DNAJC21: variants seen among roughly 807,000 people sequenced by gnomAD.
DNAJC21 encodes dnaJ homolog subfamily C member 21.
A neutral mutation model predicts 72.4 loss-of-function variants in DNAJC21; 63 were observed. The observed-to-expected ratio is 0.87, with a 90% confidence interval of 0.71 to 1.07. DNAJC21 has a LOEUF of 1.07. DNAJC21 is among the 50% of genes least tolerant of loss of function. The pLI is 0.00. For missense variants in DNAJC21, 634 were observed against 644.8 expected (o/e 0.98, Z 0.18); for synonymous variants, 203 against 216.7 (o/e 0.94, Z 0.56).
rs1765549426 is a variant in DNAJC21 at position 34,956,804 on chromosome 5, C to T, written c.*2090C>T. The T allele has an allele frequency of 6.6e-6, 1 of 152,136 alleles. No individual in the cohort carries two copies. Among genetic ancestry groups the T allele is most frequent in the African/African-American group, 2.4e-5 (1 of 41,416 alleles). 9.4% of individuals were successfully genotyped at this position (152,136 alleles called of 1,614,324 possible). A position where few individuals can be genotyped will look rare whatever the true frequency, so the allele number is the denominator to read the frequency against. ...GTTGTGACTGGAAGCTGACCTTAGT[C>T]TTGCGTCTCATCCTTTATGATGTTG... On this transcript the variant is annotated 3_prime_UTR_variant, in exon 12 of 12. Coordinates refer to ENST00000648817, the MANE Select transcript of DNAJC21 (RefSeq NM_001012339.3).
At chr5:34,939,156 C>T (rs1764900026) in intron 6 of DNAJC21, 147 bp downstream of exon 6, 3 of 708,658 alleles carry the variant, frequency 4.2e-6, no homozygotes, top group Admixed American at 3.0e-5. Context: ...CTGAGCTAGT[C>T]TAATTCAAGT....
chr5:34,935,760 A>G lies in DNAJC21; in HGVS notation c.242A>G (p.Tyr81Cys), dbSNP rs1011340067. ...ALLKGGFDGE[Y>C]QDDSLDLLRY... Reference sequence around the variant, plus strand: ...CTTAAAGGTGGGTTTGATGGCGAATATCAAGATGACAGCTTAGATTTGCTA... The same window carrying G: ...CTTAAAGGTGGGTTTGATGGCGAATGTCAAGATGACAGCTTAGATTTGCTA... Residue 81 changes from tyrosine to cysteine, a missense_variant, in exon 3 of 12, where the codon TAT becomes TGT. Coordinates refer to ENST00000648817, the MANE Select transcript of DNAJC21 (RefSeq NM_001012339.3). 1.2e-6 allele frequency: 2 copies of G among 1,614,076 alleles called. No homozygotes were observed. Among genetic ancestry groups the G allele is most frequent in the Non-Finnish European group, 1.7e-6 (2 of 1,179,968 alleles).
intron 10 of DNAJC21, chr5:34,950,790 A>G: frequency 1.0e-6 from 1 of 987,780 alleles, no homozygotes. Flanking sequence ...TCCTGCTCAG[A>G]GGAGCCCTGG....
chr5:34,948,578 G>A (rs1195980027), intron 9 of DNAJC21, among the ~76,000 whole-genome samples: 3 of 152,146 alleles, frequency 2.0e-5, no homozygotes, highest in African/African-American at 7.2e-5. Context: ...TTAAAATAGT[G>A]AGAGCTGGCC....
chr5:34,950,270 A>G lies in DNAJC21; in HGVS notation c.1286A>G (p.Asp429Gly), dbSNP rs1250037790. 1.9e-6 allele frequency: 3 copies of G among 1,614,000 alleles called. No individual in the cohort carries two copies. Among genetic ancestry groups the G allele is most frequent in the African/African-American group, 2.7e-5 (2 of 75,058 alleles). The change falls in exon 10 of 12, where the codon GAT (aspartate) becomes GGT (glycine). Residue 429 changes from aspartate to glycine, a missense_variant. Asp to Gly is a moderately conservative substitution (Grantham distance 94). Coordinates refer to ENST00000648817, the MANE Select transcript of DNAJC21 (RefSeq NM_001012339.3). ...LNQDSAKELEDSPQENVSVTE... is the reference protein window; with the variant it reads ...LNQDSAKELEGSPQENVSVTE... ...CAAGACAGTGCCAAAGAATTGGAAG[A>G]TAGTCCCCAGGAAAATGTCAGTGTC...
At chr5:34,939,544 C>T (rs1426797536) in intron 6 of DNAJC21, among the ~76,000 whole-genome samples, 2 of 152,170 alleles carry the variant, frequency 1.3e-5, no homozygotes, top group East Asian at 1.9e-4. Flanking sequence ...GGATTACAGG[C>T]GTGAGCCACC....
chr5:34,952,783 C>G (rs914912204), intron 10 of DNAJC21: 3 of 152,082 alleles, frequency 2.0e-5, no homozygotes, highest in Admixed American at 6.6e-5. Context: ...ATGAAAAATG[C>G]ATTACAAAGT....
At chr5:34,953,063 T>C (rs1765429306) in intron 10 of DNAJC21, among the ~76,000 whole-genome samples, 1 of 151,600 alleles carries the variant, frequency 6.6e-6, no homozygotes, top group African/African-American at 2.4e-5. Flanking sequence ...AGCAGGAAAA[T>C]CGCTTGAACC....
intron 1 of DNAJC21, chr5:34,930,407 C>G (rs1261967659): frequency 1.3e-5 from 2 of 152,128 alleles, no homozygotes; most frequent in Admixed American, 1.3e-4. Context: ...GACACGGGAG[C>G]TAGTAAAATA....
At chr5:34,935,646 C>T in intron 2 of DNAJC21, 64 bp from the exon 3 acceptor site, 1 of 1,593,394 alleles carries the variant, frequency 6.3e-7, no homozygotes, top group East Asian at 2.2e-5. Flanking sequence ...TCAAAAGGAG[C>T]AAGAAATCCT....
In DNAJC21 at chr5:34,945,774, CAG is replaced by C; in HGVS notation, c.1158_1159del (p.Lys387GlufsTer11). 1 of 1,593,836 alleles carries C rather than the reference CAG, an allele frequency of 6.3e-7. No individual in the cohort carries two copies. Among genetic ancestry groups the C allele is most frequent in the Non-Finnish European group, 8.5e-7 (1 of 1,172,624 alleles). Reference sequence around the variant, plus strand: ...ATTTGCTCTTAGGCTTTCTAAAAAACAGAAGAAAAAGAAACAGAAACCAGCAC... The same window carrying C: ...ATTTGCTCTTAGGCTTTCTAAAAAACAAGAAAAAGAAACAGAAACCAGCAC... ...DAPKQKLSKK[Q>X]KKKKQKPAQN... On this transcript the variant is annotated frameshift_variant, in exon 9 of 12. Coordinates refer to ENST00000648817, the MANE Select transcript of DNAJC21 (RefSeq NM_001012339.3). LOFTEE classifies it high-confidence loss of function.
intron 10 of DNAJC21, chr5:34,951,687 C>A: frequency 1.3e-6 from 1 of 790,360 alleles, no homozygotes; most frequent in Non-Finnish European, 1.5e-6. Flanking sequence ...ACTGCCACGC[C>A]TGGCTATTTT....
chr5:34,943,474 T>A (rs907025571), intron 7 of DNAJC21, among the ~76,000 whole-genome samples: 10 of 152,238 alleles, frequency 6.6e-5, no homozygotes, highest in Admixed American at 6.5e-4. Context: ...CGTGATAATT[T>A]TCATCACCCA....
rs761103607 is a variant in DNAJC21, at chr5:34,937,576, A to G, written c.689A>G (p.Glu230Gly). 5 of 1,613,830 alleles carry G rather than the reference A, an allele frequency of 3.1e-6. No homozygotes were observed. The highest frequency in any genetic ancestry group is 4.2e-6 in the Non-Finnish European group (5 of 1,179,858). Reference sequence around the variant, plus strand: ...AAACTTGTGGAAGAACAGAATGCAGAGAAGGCGAGGAAAGCCGAAGAGATG... The same window carrying G: ...AAACTTGTGGAAGAACAGAATGCAGGGAAGGCGAGGAAAGCCGAAGAGATG... ...HRKLVEEQNA[E>G]KARKAEEMRR... The change falls in exon 5 of 12, where the codon GAG (glutamate) becomes GGG (glycine). Residue 230 changes from glutamate to glycine, a missense_variant. Glu to Gly is a moderately conservative substitution (Grantham distance 98). Transcript: ENST00000648817.
intron 6 of DNAJC21, among the ~76,000 whole-genome samples, chr5:34,940,745 G>C (rs1764959294): frequency 6.6e-6 from 1 of 152,156 alleles, no homozygotes; most frequent in African/African-American, 2.4e-5. Flanking sequence ...AATGTGTTTG[G>C]ACCAAATCTT....
intron 10 of DNAJC21, chr5:34,950,882 C>T: frequency 2.0e-6 from 2 of 985,602 alleles, no homozygotes; most frequent in Non-Finnish European, 2.4e-6. Context: ...TTCTCTCCTT[C>T]CTCCTCTTGT....
rs1160579406 is a variant in DNAJC21, at chr5:34,936,257, C to G, written c.429C>G (p.Asp143Glu). 1 of 1,609,860 alleles carries G rather than the reference C, an allele frequency of 6.2e-7. No individual in the cohort carries two copies. Among genetic ancestry groups the G allele is most frequent in the Non-Finnish European group, 8.5e-7 (1 of 1,179,046 alleles). The change falls in exon 4 of 12, where the codon GAC (aspartate) becomes GAG (glutamate). Residue 143 changes from aspartate to glutamate, a missense_variant. Transcript: ENST00000648817. ...CAACTTTTGGAGACTCCCAGAGTGACTATGATACGGTAAAATAAAAATGCA... is the reference window on the plus strand; with the variant it reads ...CAACTTTTGGAGACTCCCAGAGTGAGTATGATACGGTAAAATAAAAATGCA... ...DFPTFGDSQSDYDTVVHPFYA... is the reference protein window; with the variant it reads ...DFPTFGDSQSEYDTVVHPFYA...
chr5:34,951,229 T>G lies in DNAJC21; in HGVS notation c.1358+887T>G, dbSNP rs576184350. On this transcript the variant is annotated intron_variant, in intron 10 of 11. Transcript: ENST00000648817. ...GTAATGTTGAAGCTTTGAAGAACTT[T>G]GGAGAGTTGAAGCCTAGAAAGGGAA... 13 of 985,432 alleles carry G rather than the reference T, an allele frequency of 1.3e-5. No individual in the cohort carries two copies. The South Asian group carries it at 5.2e-4, about 39-fold the overall frequency. 61.0% of individuals were successfully genotyped at this position (985,432 alleles called of 1,614,324 possible).
Position 34,950,317 on chromosome 5 carries a change from G to A in DNAJC21, c.1333G>A (p.Asp445Asn). The A allele has an allele frequency of 3.1e-6, 5 of 1,610,496 alleles. No homozygotes were observed. The highest frequency in any genetic ancestry group is 3.4e-6 in the Non-Finnish European group (4 of 1,178,948). ...TGTCACAGAGATCATTAAACCATGT[G>A]ATGATCCAAAAAGTGAAGCTAAAAG... Reference protein sequence around the residue: ...VSVTEIIKPCDDPKSEAKSVP... With the variant: ...VSVTEIIKPCNDPKSEAKSVP... The change falls in exon 10 of 12, where the codon GAT becomes AAT. Residue 445 changes from aspartate (D) to asparagine (N), a missense_variant. Physicochemically the swap from Asp to Asn is conservative, Grantham distance 23. Coordinates refer to ENST00000648817, the MANE Select transcript of DNAJC21 (RefSeq NM_001012339.3).
Sources: allele counts gnomAD v4.1 joint callset (sites outside exome capture counted in the v4.1 genomes callset), GRCh38; gene constraint gnomAD v4.1.1; transcripts MANE v1.5; gene names NCBI Gene and HGNC (gene_info 2026-07-23, HGNC 2026-07-21).